CMYA5: variants seen among roughly 807,000 people sequenced by gnomAD.
CMYA5 encodes the protein cardiomyopathy associated 5, also known as cardiomyopathy-associated protein 5.
A neutral mutation model predicts 318.9 loss-of-function variants in CMYA5; 246 were observed. The ratio of observed to expected loss-of-function variants is 0.77; its 90% CI spans 0.70 to 0.86. The LOEUF (loss-of-function observed/expected upper bound fraction) is 0.86. Among genes scored for constraint, CMYA5 ranks in the 40% least tolerant of loss-of-function variants. CMYA5 has a pLI of 0.00. For synonymous variants in CMYA5, 1,641 were observed against 1,729.5 expected (o/e 0.95, Z 1.27); for missense variants, 4,589 against 4,678.2 (o/e 0.98, Z 0.56).
chr5:79,788,283 G>A (rs1451773956), intron 9 of CMYA5, among the ~76,000 whole-genome samples: 1 of 150,408 alleles, frequency 6.6e-6, no homozygotes, highest in Non-Finnish European at 1.5e-5. Context: ...TAGGAAAGAA[G>A]CACAAAACTA....
At chr5:79,793,729 A>G in intron 12 of CMYA5, 119 bp downstream of exon 12, 1 of 888,090 alleles carries the variant, frequency 1.1e-6, no homozygotes, top group Non-Finnish European at 1.7e-6. Flanking sequence ...TGAGCCAACT[A>G]AGAAAGAAAA....
rs1425935502 is a variant in CMYA5, at chr5:79,799,731, A to T, written c.*115A>T. 3.7e-6 allele frequency: 5 copies of T among 1,350,696 alleles called. No individual in the cohort carries two copies. The Admixed American group carries it at 1.0e-4, about 28-fold the overall frequency. 83.7% of individuals were successfully genotyped at this position (1,350,696 alleles called of 1,614,324 possible). ...AGTCTCCCGCGCATTTGCACTAATG[A>T]TGGCTGCATGCATAGCAATCAGCAT... On this transcript the variant is annotated 3_prime_UTR_variant, in exon 13 of 13. Coordinates refer to ENST00000446378, the MANE Select transcript of CMYA5 (RefSeq NM_153610.5).
chr5:79,790,682 C>T (rs1448166617), intron 10 of CMYA5, among the ~76,000 whole-genome samples: 1 of 152,196 alleles, frequency 6.6e-6, no homozygotes, highest in Non-Finnish European at 1.5e-5. Context: ...TAACTAGTTT[C>T]CAGGTGATGT....
chr5:79,771,258 C>CT (rs1025283981), intron 9 of CMYA5, among the ~76,000 whole-genome samples: 6 of 152,126 alleles, frequency 3.9e-5, no homozygotes, highest in African/African-American at 1.4e-4. Context: ...ATTTCAAAGT[C>CT]TAAGTTGTTA....
intron 1 of CMYA5, among the ~76,000 whole-genome samples, chr5:79,726,845 T>A (rs1016591574): frequency 6.6e-6 from 1 of 151,358 alleles, no homozygotes; most frequent in African/African-American, 2.4e-5. Flanking sequence ...CCAGGAAGGG[T>A]TTGCAGTGAG....
Position 79,729,323 on chromosome 5 carries a change from T to C in CMYA5, c.558T>C (p.Thr186=), listed in dbSNP as rs1402434011. The change falls in exon 2 of 13, where the codon ACT becomes ACC. Residue 186 remains threonine (T), a synonymous_variant. Transcript: ENST00000446378. The part of the protein sequence containing the change: ...VLTTEKEKSY[T]GIYDKARKKK... ...CCACGGAGAAAGAGAAGTCATATAC[T>C]GGCATTTATGATAAAGCAAGAAAAA... 1.2e-6 allele frequency: 2 copies of C among 1,612,032 alleles called. No homozygotes were observed. Among genetic ancestry groups the C allele is most frequent in the East Asian group, 4.5e-5 (2 of 44,868 alleles).
intron 9 of CMYA5, among the ~76,000 whole-genome samples, chr5:79,786,152 G>A (rs1269183539): frequency 7.2e-5 from 11 of 152,204 alleles, no homozygotes; most frequent in Admixed American, 6.5e-4. Flanking sequence ...TCTGAAGCCT[G>A]CTGGGCACAA....
intron 1 of CMYA5, among the ~76,000 whole-genome samples, chr5:79,697,412 T>A (rs1344846277): frequency 6.6e-6 from 1 of 152,202 alleles, no homozygotes; most frequent in East Asian, 1.9e-4. Context: ...TGCTGATGAC[T>A]CTTATCCTAG....
chr5:79,731,574 G>C lies in CMYA5; in HGVS notation c.2809G>C (p.Glu937Gln). ...ATCCTCACCCATGAATTTATCAGAA[G>C]AAGATCAAGAAGACATTGGACCTTT... ...GASSPMNLSE[E>Q]DQEDIGPFSP... Residue 937 changes from glutamate (E) to glutamine (Q), a missense_variant, in exon 2 of 13, where the codon GAA (glutamate) becomes CAA (glutamine). Around this residue, in one of 3 missense-constraint regions of CMYA5, gnomAD observed 2,132 missense variants for 2,131.3 expected, o/e 1.00. Transcript: ENST00000446378. The C allele has an allele frequency of 6.2e-7, 1 of 1,611,388 alleles. No homozygotes were observed. Among genetic ancestry groups the C allele is most frequent in the East Asian group, 2.2e-5 (1 of 44,880 alleles).
chr5:79,702,566 C>T (rs890687069), intron 1 of CMYA5, among the ~76,000 whole-genome samples: 1 of 151,990 alleles, frequency 6.6e-6, no homozygotes, highest in African/African-American at 2.4e-5. Flanking sequence ...TGTAGAGACC[C>T]AGAGTAGATT....
intron 1 of CMYA5, among the ~76,000 whole-genome samples, chr5:79,720,964 A>G (rs1242787479): frequency 6.6e-6 from 1 of 152,220 alleles, no homozygotes; most frequent in Non-Finnish European, 1.5e-5. Flanking sequence ...GACAATAAAA[A>G]TAATTATATC....
chr5:79,720,616 A>G (rs933295920), intron 1 of CMYA5, among the ~76,000 whole-genome samples: 4 of 151,844 alleles, frequency 2.6e-5, no homozygotes, highest in Non-Finnish European at 5.9e-5. Context: ...TTGTATTTTT[A>G]CTAGAGACAG....
chr5:79,734,622 G>C lies in CMYA5; in HGVS notation c.5857G>C (p.Glu1953Gln), dbSNP rs1203850473. 3 of 1,613,868 alleles carry C rather than the reference G, an allele frequency of 1.9e-6. No individual in the cohort carries two copies. The highest frequency in any genetic ancestry group is 2.5e-6 in the Non-Finnish European group (3 of 1,179,820). Residue 1953 changes from glutamate (E) to glutamine (Q), a missense_variant, in exon 2 of 13, where the codon GAA (glutamate) becomes CAA (glutamine). Glu to Gln is a conservative substitution (Grantham distance 29). Coordinates refer to ENST00000446378, the MANE Select transcript of CMYA5 (RefSeq NM_153610.5). Reference sequence around the variant, plus strand: ...GCAGGTCCTGCCGCATTCTGCTGAAGAATCTCATTTGTCATCACAAGAAGC... The same window carrying C: ...GCAGGTCCTGCCGCATTCTGCTGAACAATCTCATTTGTCATCACAAGAAGC... ...RKQVLPHSAE[E>Q]SHLSSQEAVS...
intron 11 of CMYA5, 100 bp from the exon 12 acceptor site, chr5:79,793,337 G>T: frequency 8.3e-7 from 1 of 1,203,612 alleles, no homozygotes; most frequent in Admixed American, 2.1e-5. Context: ...TCCAAGGGCA[G>T]AATCCTGCCT....
chr5:79,700,886 GTTACT>G (rs1827161531), intron 1 of CMYA5, among the ~76,000 whole-genome samples: 1 of 152,016 alleles, frequency 6.6e-6, no homozygotes, highest in South Asian at 2.1e-4. Flanking sequence ...TAGATTGGTG[GTTACT>G]ACAGGCCAGG....
At chr5:79,699,201 A>G (rs1827131591) in intron 1 of CMYA5, among the ~76,000 whole-genome samples, 1 of 152,132 alleles carries the variant, frequency 6.6e-6, no homozygotes, top group South Asian at 2.1e-4. Flanking sequence ...AAAAGAGAAA[A>G]GAAATGGATG....
intron 1 of CMYA5, among the ~76,000 whole-genome samples, chr5:79,693,516 A>G (rs1395415366): frequency 6.6e-6 from 1 of 151,534 alleles, no homozygotes; most frequent in Non-Finnish European, 1.5e-5. Flanking sequence ...ACTTTTTTGT[A>G]TTTTTATAAG....
Position 79,738,902 on chromosome 5 carries a change from C to G in CMYA5, c.10137C>G (p.Phe3379Leu). 1 of 1,613,884 alleles carries G rather than the reference C, an allele frequency of 6.2e-7. No homozygotes were observed. The highest frequency in any genetic ancestry group is 8.5e-7 in the Non-Finnish European group (1 of 1,179,858). Residue 3379 changes from phenylalanine to leucine, a missense_variant, in exon 2 of 13, where the codon TTC becomes TTG. Physicochemically the swap from Phe to Leu is conservative, Grantham distance 22. Around this residue, in one of 3 missense-constraint regions of CMYA5, gnomAD observed 2,431 missense variants for 2,495.1 expected, o/e 0.97. Coordinates refer to ENST00000446378, the MANE Select transcript of CMYA5 (RefSeq NM_153610.5). Reference sequence around the variant, plus strand: ...TGAATGTCCCAGTACAAGTGTCCTTCCCGGAGGAAGAATTTGCATCTGGTG... The same window carrying G: ...TGAATGTCCCAGTACAAGTGTCCTTGCCGGAGGAAGAATTTGCATCTGGTG... ...VNLNVPVQVS[F>L]PEEEFASGAT...
Position 79,743,880 on chromosome 5 carries a change from A to C in CMYA5, c.10692A>C (p.Glu3564Asp). Residue 3564 changes from glutamate (E) to aspartate (D), a missense_variant, in exon 3 of 13, where the codon GAA becomes GAC. Around this residue, in one of 3 missense-constraint regions of CMYA5, gnomAD observed 2,431 missense variants for 2,495.1 expected, o/e 0.97. Transcript: ENST00000446378. ...TACAAGAAAAGTCCTTGAGGATTGA[A>C]GCCTTTGTTAGTGAGATAGAATCCT... ...ENLQEKSLRIEAFVSEIESFF... is the reference protein window; with the variant it reads ...ENLQEKSLRIDAFVSEIESFF... The C allele has an allele frequency of 1.9e-6, 3 of 1,548,708 alleles. No individual in the cohort carries two copies. Among genetic ancestry groups the C allele is most frequent in the Non-Finnish European group, 2.6e-6 (3 of 1,145,044 alleles).
Sources: allele counts gnomAD v4.1 joint callset (sites outside exome capture counted in the v4.1 genomes callset), GRCh38; gene constraint gnomAD v4.1.1; regional missense constraint gnomAD v4.1.1; transcripts MANE v1.5; gene names NCBI Gene and HGNC (gene_info 2026-07-23, HGNC 2026-07-21).